The following SPATA13 variants were observed in gnomAD, a reference collection of about 807,000 sequenced individuals.
SPATA13 encodes spermatogenesis associated 13.
Under a neutral mutation model 104.0 loss-of-function variants are expected in SPATA13, and 50 were observed. That is an observed-to-expected ratio of 0.48 (90% CI 0.38 to 0.61). The LOEUF (loss-of-function observed/expected upper bound fraction) is 0.61, where lower values mean the gene tolerates loss of function less well. Among genes scored for constraint, SPATA13 ranks in the 20% least tolerant of loss-of-function variants. SPATA13 has a pLI of 0.00. For synonymous variants in SPATA13, 606 were observed against 667.5 expected (o/e 0.91, Z 1.42); for missense variants, 1,524 against 1,690.6 (o/e 0.90, Z 1.73).
At chr13:24,019,922 C>CT (rs1287979188) in intron 3 of SPATA13, among the ~76,000 whole-genome samples, 1 of 152,202 alleles carries the variant, frequency 6.6e-6, no homozygotes, top group Non-Finnish European at 1.5e-5. Flanking sequence ...GCCCTGGAGT[C>CT]TTTCTGTGGT....
chr13:24,055,385 G>A (rs1307829784), intron 3 of SPATA13, among the ~76,000 whole-genome samples: 1 of 152,172 alleles, frequency 6.6e-6, no homozygotes, highest in Non-Finnish European at 1.5e-5. Context: ...TTCTATCTGT[G>A]TTTTCTTAGG....
chr13:24,049,629 A>G (rs1459049677), intron 3 of SPATA13, among the ~76,000 whole-genome samples: 1 of 152,174 alleles, frequency 6.6e-6, no homozygotes, highest in African/African-American at 2.4e-5. Context: ...GGAGGCCTGT[A>G]TAGGGAGTCT....
At position 24,305,883 on chromosome 13, in the gene SPATA13, A is replaced by G. The variant is rs1422335801; in HGVS notation, c.*3110A>G. 1 of 152,184 alleles carries G rather than the reference A, an allele frequency of 6.6e-6. No homozygotes were observed. Among genetic ancestry groups the G allele is most frequent in the Non-Finnish European group, 1.5e-5 (1 of 68,030 alleles). The allele number at this position is 152,184 out of a possible 1,614,324, so 9.4% of individuals were successfully genotyped here. ...TGCCGTAGATTAAAAGCAATTATAA[A>G]ATCATAAAATTGAATGTTTGCAGAA... On this transcript the variant is annotated 3_prime_UTR_variant, in exon 13 of 13. Coordinates refer to ENST00000382108, the MANE Select transcript of SPATA13 (RefSeq NM_001166271.3).
chr13:24,167,660 A>C (rs1252451559), intron 1 of SPATA13, among the ~76,000 whole-genome samples: 1 of 152,202 alleles, frequency 6.6e-6, no homozygotes, highest in African/African-American at 2.4e-5. Flanking sequence ...GTTGTACCCA[A>C]GTGCCAGTTT....
At chr13:24,295,011 T>C (rs1876666991) in intron 10 of SPATA13, 143 bp downstream of exon 10, 2 of 806,874 alleles carry the variant, frequency 2.5e-6, no homozygotes, top group Non-Finnish European at 1.8e-6. Flanking sequence ...GGTAAATGTA[T>C]TTCGAGGCAT....
Position 24,305,285 on chromosome 13 carries a change from GA to G in SPATA13, c.*2513del, listed in dbSNP as rs1877506274. The G allele has an allele frequency of 6.6e-6, 1 of 152,052 alleles. No homozygotes were observed. Among genetic ancestry groups the G allele is most frequent in the African/African-American group, 2.4e-5 (1 of 41,430 alleles). The allele number at this position is 152,052 out of a possible 1,614,324, so 9.4% of individuals were successfully genotyped here. A position where few individuals can be genotyped will look rare whatever the true frequency, so the allele number is the denominator to read the frequency against. ...CCTAACAGAGACTTATGAATACCAG[GA>G]TGTGTTTTTGTTAAGTCAGGTTCAA... On this transcript the variant is annotated 3_prime_UTR_variant, in exon 13 of 13. Transcript: ENST00000382108.
At chr13:23,998,831 A>G (rs1875813862) in intron 2 of SPATA13, among the ~76,000 whole-genome samples, 1 of 152,040 alleles carries the variant, frequency 6.6e-6, no homozygotes, top group Non-Finnish European at 1.5e-5. Context: ...TGAAAAAATG[A>G]TTCTTGTCCA....
At chr13:23,989,786 A>G (rs1875322513) in intron 2 of SPATA13, among the ~76,000 whole-genome samples, 1 of 152,182 alleles carries the variant, frequency 6.6e-6, no homozygotes, top group Non-Finnish European at 1.5e-5. Flanking sequence ...GGCCTTGGGA[A>G]GTGATTAGAT....
chr13:24,080,650 A>T (rs1338088666), intron 3 of SPATA13, among the ~76,000 whole-genome samples: 10 of 152,218 alleles, frequency 6.6e-5, no homozygotes, highest in Non-Finnish European at 1.5e-5. Flanking sequence ...CTGAGATTTC[A>T]TCGGTGGCCT....
intron 1 of SPATA13, among the ~76,000 whole-genome samples, chr13:24,204,015 T>A (rs890814776): frequency 6.6e-6 from 1 of 152,138 alleles, no homozygotes; most frequent in African/African-American, 2.4e-5. Context: ...TGGTGTGTGT[T>A]AGATGAATTT....
At chr13:24,228,993 T>A (rs1230778466) in intron 2 of SPATA13, among the ~76,000 whole-genome samples, 2 of 152,206 alleles carry the variant, frequency 1.3e-5, no homozygotes, top group East Asian at 3.8e-4. Context: ...CCGCTTTAAT[T>A]TACAAAGCAT....
At chr13:24,181,656 G>C (rs1227079093) in intron 1 of SPATA13, among the ~76,000 whole-genome samples, 1 of 151,892 alleles carries the variant, frequency 6.6e-6, no homozygotes, top group Non-Finnish European at 1.5e-5. Context: ...CCACTAGAAG[G>C]TCTTCAGGGG....
intron 2 of SPATA13, among the ~76,000 whole-genome samples, chr13:24,008,665 C>G (rs1391679441): frequency 1.3e-5 from 2 of 152,130 alleles, no homozygotes; most frequent in East Asian, 3.9e-4. Flanking sequence ...CTGGAGGAGG[C>G]AGCAGGCCTG....
At chr13:24,036,013 C>CAAAAAAA (rs56837096) in intron 3 of SPATA13, among the ~76,000 whole-genome samples, 1 of 112,494 alleles carries the variant, frequency 8.9e-6, no homozygotes, top group African/African-American at 3.2e-5. Flanking sequence ...GACCCTGTCT[C>CAAAAAAA]AAAAAAAAAA....
chr13:24,024,092 T>G (rs534743468), intron 3 of SPATA13, among the ~76,000 whole-genome samples: 3 of 152,192 alleles, frequency 2.0e-5, no homozygotes, highest in Non-Finnish European at 2.9e-5. Context: ...CTCTGAGTCA[T>G]GTGCTGCGGA....
chr13:24,101,862 G>A (rs1880267482), intron 3 of SPATA13, among the ~76,000 whole-genome samples: 1 of 152,176 alleles, frequency 6.6e-6, no homozygotes, highest in Admixed American at 6.5e-5. Flanking sequence ...TTTACCACAT[G>A]TTCTTTGCCC....
At chr13:24,058,207 C>T (rs1298727741) in intron 3 of SPATA13, among the ~76,000 whole-genome samples, 1 of 151,808 alleles carries the variant, frequency 6.6e-6, no homozygotes, top group African/African-American at 2.4e-5. Context: ...AGGATGACGT[C>T]TTTTGATCGT....
intron 3 of SPATA13, among the ~76,000 whole-genome samples, chr13:24,127,327 C>T (rs968380204): frequency 6.6e-6 from 1 of 152,194 alleles, no homozygotes; most frequent in Admixed American, 6.5e-5. Flanking sequence ...AGTCAAGAGA[C>T]AAAGCCATCC....
At chr13:24,079,146 A>G (rs1447470519) in intron 3 of SPATA13, among the ~76,000 whole-genome samples, 2 of 151,822 alleles carry the variant, frequency 1.3e-5, no homozygotes, top group African/African-American at 4.8e-5. Context: ...AGTTCGGGGG[A>G]GGGCAGCGGG....
Sources: allele counts gnomAD v4.1 joint callset (sites outside exome capture counted in the v4.1 genomes callset), GRCh38; gene constraint gnomAD v4.1.1; transcripts MANE v1.5; gene names NCBI Gene and HGNC (gene_info 2026-07-23, HGNC 2026-07-21).